TBC1D19: variants seen among roughly 807,000 people sequenced by gnomAD.
TBC1D19 encodes the protein TBC1 domain family member 19.
TBC1D19 carries 60 observed loss-of-function variants against 89.0 expected under a neutral mutation model. That is an observed-to-expected ratio of 0.67 (90% confidence interval 0.55 to 0.84). TBC1D19 has a LOEUF of 0.84. Ranked by LOEUF, TBC1D19 falls within the 40% of genes least tolerant of loss-of-function variation. The pLI is 0.00. For missense variants in TBC1D19, 500 were observed against 610.8 expected (o/e 0.82, Z 1.91); for synonymous variants, 189 against 199.7 (o/e 0.95, Z 0.45).
the TBC1D19 span, among the ~76,000 whole-genome samples, chr4:26,816,682 G>A: frequency 6.6e-6 from 1 of 152,188 alleles, no homozygotes; most frequent in African/African-American, 2.4e-5. Flanking sequence ...CCAGGATGAG[G>A]GGCATTCTAC....
At chr4:26,638,937 A>C in intron 6 of TBC1D19, 103 bp downstream of exon 6, 1 of 953,334 alleles carries the variant, frequency 1.0e-6, no homozygotes, top group Non-Finnish European at 1.6e-6. Context: ...GAAGATTGCA[A>C]TTTTCCTTCT....
intron 11 of TBC1D19, among the ~76,000 whole-genome samples, chr4:26,678,646 G>A (rs1713062104): frequency 6.6e-6 from 1 of 151,814 alleles, no homozygotes; most frequent in Non-Finnish European, 1.5e-5. Context: ...AATCAGATAT[G>A]CATTTGTCTG....
chr4:26,832,311 G>GT, the TBC1D19 span, among the ~76,000 whole-genome samples: 5,504 of 152,176 alleles, frequency 0.036, 182 homozygotes, highest in African/African-American at 0.085. Flanking sequence ...GTAGAATTCT[G>GT]TTTTTTCTGG....
chr4:26,756,968 C>T (rs1719289041), downstream of TBC1D19, among the ~76,000 whole-genome samples: 1 of 151,998 alleles, frequency 6.6e-6, no homozygotes, highest in Admixed American at 6.6e-5. Context: ...GTGCTCTTGG[C>T]TGCTTGTTAA....
At chr4:26,740,722 C>A (rs987089891) in intron 17 of TBC1D19, 6 of 985,200 alleles carry the variant, frequency 6.1e-6, no homozygotes, top group Non-Finnish European at 4.8e-6. Flanking sequence ...GGTAACATGA[C>A]TGCTACTCCA....
chr4:26,822,154 G>A, the TBC1D19 span, among the ~76,000 whole-genome samples: 3 of 152,320 alleles, frequency 2.0e-5, no homozygotes, highest in East Asian at 5.8e-4. Context: ...GCTGTCAGTC[G>A]CTGGGGTTTT....
chr4:26,579,810 T>G (rs1273541834), upstream of TBC1D19, among the ~76,000 whole-genome samples: 6 of 152,022 alleles, frequency 3.9e-5, no homozygotes, highest in Admixed American at 2.6e-4. Flanking sequence ...GCTTCCAACT[T>G]CATCTTCTTT....
the TBC1D19 span, among the ~76,000 whole-genome samples, chr4:26,820,097 T>C: frequency 3.9e-5 from 6 of 152,228 alleles, no homozygotes; most frequent in Non-Finnish European, 8.8e-5. Context: ...CTTTGATCTA[T>C]GTGTACATTG....
the TBC1D19 span, among the ~76,000 whole-genome samples, chr4:26,801,781 CA>C: frequency 4.0e-5 from 6 of 151,860 alleles, no homozygotes; most frequent in African/African-American, 7.3e-5. Flanking sequence ...AGGCAATTCA[CA>C]AAAAAATCCA....
At chr4:26,592,394 C>A (rs1182357253) in intron 1 of TBC1D19, among the ~76,000 whole-genome samples, 2 of 152,122 alleles carry the variant, frequency 1.3e-5, no homozygotes, top group Admixed American at 1.3e-4. Flanking sequence ...ACTGAATGGG[C>A]AAAAACTGGA....
chr4:26,819,553 C>T, the TBC1D19 span, among the ~76,000 whole-genome samples: 1 of 152,224 alleles, frequency 6.6e-6, no homozygotes, highest in Non-Finnish European at 1.5e-5. Context: ...ATGATGGCAA[C>T]AGCCACAGTC....
chr4:26,690,698 A>G (rs183181416), intron 13 of TBC1D19, among the ~76,000 whole-genome samples: 2 of 152,348 alleles, frequency 1.3e-5, no homozygotes, highest in Non-Finnish European at 2.9e-5. Context: ...GTTGAAGCCT[A>G]CTATTCAGAA....
chr4:26,772,981 A>G, the TBC1D19 span, among the ~76,000 whole-genome samples: 1 of 152,252 alleles, frequency 6.6e-6, no homozygotes, highest in African/African-American at 2.4e-5. Context: ...GTATATACCC[A>G]GTAATGGGAT....
Position 26,584,186 on chromosome 4 carries a change from C to T in TBC1D19, c.-8C>T. ...GTCCCCGCGGCTTGGCGGGCTAGGG[C>T]AGGGGAAATGTTGCAGGAGGAGTCG... On this transcript the variant is annotated 5_prime_UTR_variant, in exon 1 of 21. Transcript: ENST00000264866. The T allele has an allele frequency of 6.2e-7, 1 of 1,607,052 alleles. No homozygotes were observed.
chr4:26,673,297 G>A (rs1450923675), intron 10 of TBC1D19, among the ~76,000 whole-genome samples: 4 of 151,116 alleles, frequency 2.6e-5, no homozygotes, highest in African/African-American at 9.7e-5. Flanking sequence ...GTAATTCTTA[G>A]GCATGAAACT....
the TBC1D19 span, among the ~76,000 whole-genome samples, chr4:26,787,531 A>G: frequency 6.6e-6 from 1 of 152,190 alleles, no homozygotes; most frequent in East Asian, 1.9e-4. Context: ...CTCTGACGAA[A>G]GGGCAGCACT....
intron 15 of TBC1D19, among the ~76,000 whole-genome samples, chr4:26,728,889 C>A (rs1717484475): frequency 6.6e-6 from 1 of 152,266 alleles, no homozygotes; most frequent in Middle Eastern, 3.4e-3. Context: ...ATGGCGGGCG[C>A]CTGTAGTCCC....
At chr4:26,687,352 T>G (rs1251964566) in intron 12 of TBC1D19, among the ~76,000 whole-genome samples, 1 of 152,200 alleles carries the variant, frequency 6.6e-6, no homozygotes, top group Non-Finnish European at 1.5e-5. Flanking sequence ...TCAGAGTTAC[T>G]GACCAAAGTC....
intron 7 of TBC1D19, among the ~76,000 whole-genome samples, chr4:26,658,256 T>A (rs1008399866): frequency 6.6e-6 from 1 of 152,218 alleles, no homozygotes; most frequent in African/African-American, 2.4e-5. Context: ...ATTGAGTTTA[T>A]TTTTGTATAA....
Sources: gnomAD v4.1 joint callset for allele counts (sites outside exome capture counted in the v4.1 genomes callset) on GRCh38, gnomAD v4.1.1 for gene constraint, MANE v1.5 for transcripts, NCBI Gene and HGNC (gene_info 2026-07-23, HGNC 2026-07-21) for gene names.